Variants in ASTN2 observed in about 807,000 individuals in gnomAD.
The protein encoded by ASTN2 is astrotactin 2.
Under a neutral mutation model 139.8 loss-of-function variants are expected in ASTN2, and 54 were observed. The ratio of observed to expected loss-of-function variants is 0.39; its 90% CI spans 0.31 to 0.48. The LOEUF (loss-of-function observed/expected upper bound fraction) is 0.48. Among genes scored for constraint, ASTN2 ranks in the 20% least tolerant of loss-of-function variants. The probability of loss-of-function intolerance (pLI) is 0.95; values close to 1 mark genes in which losing one functional copy is unlikely to be tolerated. For synonymous variants in ASTN2, 756 were observed against 719.5 expected (o/e 1.05, Z -0.81); for missense variants, 1,565 against 1,725.1 (o/e 0.91, Z 1.64).
At chr9:116,680,611 T>C (rs553442233) in intron 16 of ASTN2, among the ~76,000 whole-genome samples, 1 of 152,282 alleles carries the variant, frequency 6.6e-6, no homozygotes, top group South Asian at 2.1e-4. Context: ...TAAACATTGA[T>C]GCAAAAATCC....
intron 16 of ASTN2, among the ~76,000 whole-genome samples, chr9:116,659,869 T>C (rs1248740607): frequency 1.3e-5 from 2 of 152,160 alleles, no homozygotes; most frequent in African/African-American, 4.8e-5. Context: ...CAAGTTCCAT[T>C]GTGGAAAGGC....
intron 11 of ASTN2, among the ~76,000 whole-genome samples, chr9:116,827,360 AC>A (rs1309027370): frequency 1.3e-5 from 2 of 150,284 alleles, no homozygotes; most frequent in African/African-American, 4.9e-5. Context: ...AACAAACCAC[AC>A]CCAAAGTAAG....
chr9:116,522,282 T>C (rs1850908943), intron 19 of ASTN2, among the ~76,000 whole-genome samples: 1 of 152,102 alleles, frequency 6.6e-6, no homozygotes, highest in Admixed American at 6.6e-5. Context: ...CATCAATCAA[T>C]AAGTGGATAA....
At chr9:116,609,867 T>C (rs1855441466) in intron 19 of ASTN2, among the ~76,000 whole-genome samples, 2 of 152,156 alleles carry the variant, frequency 1.3e-5, no homozygotes, top group Non-Finnish European at 2.9e-5. Context: ...TATGCTATAC[T>C]TGAAATAGTA....
intron 17 of ASTN2, among the ~76,000 whole-genome samples, chr9:116,635,828 A>G (rs1280912060): frequency 6.6e-6 from 1 of 152,226 alleles, no homozygotes; most frequent in Non-Finnish European, 1.5e-5. Flanking sequence ...CTTTGAATTG[A>G]GCTAATAGAT....
chr9:116,447,152 C>T (rs1848025075), intron 20 of ASTN2, among the ~76,000 whole-genome samples: 2 of 152,164 alleles, frequency 1.3e-5, no homozygotes, highest in African/African-American at 4.8e-5. Flanking sequence ...ACCAGTGGCA[C>T]TCTCTGGCTG....
intron 3 of ASTN2, among the ~76,000 whole-genome samples, chr9:117,177,326 G>A (rs1016850742): frequency 1.3e-5 from 2 of 152,152 alleles, no homozygotes; most frequent in South Asian, 4.2e-4. Flanking sequence ...GAAGCTGAGG[G>A]ACAAATCAGT....
chr9:116,823,507 C>T (rs1227323136), intron 11 of ASTN2, among the ~76,000 whole-genome samples: 6 of 152,148 alleles, frequency 3.9e-5, no homozygotes, highest in African/African-American at 1.4e-4. Context: ...CTGATCTAAC[C>T]TCCTTACTTT....
intron 20 of ASTN2, among the ~76,000 whole-genome samples, chr9:116,459,237 T>C (rs1848415392): frequency 6.6e-6 from 1 of 152,072 alleles, no homozygotes; most frequent in Non-Finnish European, 1.5e-5. Flanking sequence ...GGGACCCCTA[T>C]ATCACACCAT....
intron 10 of ASTN2, among the ~76,000 whole-genome samples, chr9:116,942,364 T>C (rs768292345): frequency 3.9e-5 from 6 of 152,210 alleles, no homozygotes; most frequent in Non-Finnish European, 7.3e-5. Context: ...CTCTCTTCTC[T>C]GATGCCTGGC....
intron 3 of ASTN2, among the ~76,000 whole-genome samples, chr9:117,159,792 C>T (rs116391163): frequency 1.9e-3 from 287 of 152,116 alleles, no homozygotes; most frequent in African/African-American, 6.5e-3. Flanking sequence ...ATTTAATCCT[C>T]GATTCTACTC....
In ASTN2 at chr9:116,698,049, T is replaced by C; in HGVS notation, c.2806+27722A>G. On this transcript the variant is annotated intron_variant, in intron 16 of 22. Transcript: ENST00000313400. The surrounding 1 kb of genome is among the most constrained non-coding windows in gnomAD (Gnocchi z 4.4). The stretch of plus-strand genomic sequence containing the variant: ...TGTGGGGCTGCTCATGTGTCGGTCC[T>C]GTGGGCGGCGTCTGCCCCGGCAATT... 2.5e-6 allele frequency: 4 copies of C among 1,613,960 alleles called. No homozygotes were observed. The highest frequency in any genetic ancestry group is 3.4e-6 in the Non-Finnish European group (4 of 1,180,022).
chr9:116,835,215 G>T (rs1647833267), intron 11 of ASTN2, among the ~76,000 whole-genome samples: 2 of 152,096 alleles, frequency 1.3e-5, no homozygotes, highest in Admixed American at 6.5e-5. Context: ...GGTCTGGGGA[G>T]TCATGCCCTA....
At chr9:116,643,945 C>CT (rs1857465406) in intron 17 of ASTN2, among the ~76,000 whole-genome samples, 1 of 152,144 alleles carries the variant, frequency 6.6e-6, no homozygotes, top group Non-Finnish European at 1.5e-5. Context: ...CTGTGTGCTC[C>CT]TTGAAGGCAC....
At chr9:117,351,339 C>T (rs1829380547) in intron 1 of ASTN2, among the ~76,000 whole-genome samples, 1 of 152,158 alleles carries the variant, frequency 6.6e-6, no homozygotes, top group Non-Finnish European at 1.5e-5. Flanking sequence ...TATTTCACTT[C>T]TTCCTTTCTT....
At chr9:116,546,302 C>T (rs558517807) in intron 19 of ASTN2, among the ~76,000 whole-genome samples, 1 of 152,154 alleles carries the variant, frequency 6.6e-6, no homozygotes, top group Non-Finnish European at 1.5e-5. Flanking sequence ...ACAGCATTTA[C>T]ACTGCCAGTA....
At chr9:117,288,966 A>T (rs544409641) in intron 2 of ASTN2, among the ~76,000 whole-genome samples, 10 of 152,346 alleles carry the variant, frequency 6.6e-5, no homozygotes, top group African/African-American at 2.2e-4. Flanking sequence ...AACTATTAGT[A>T]TAATCCTTGT....
chr9:116,924,226 T>C (rs1444539218), intron 10 of ASTN2, among the ~76,000 whole-genome samples: 3 of 150,472 alleles, frequency 2.0e-5, no homozygotes, highest in South Asian at 4.2e-4. Context: ...CTGGCCAACA[T>C]GGTGAAATCC....
At chr9:117,115,484 C>T (rs761725363) in intron 4 of ASTN2, among the ~76,000 whole-genome samples, 13 of 152,116 alleles carry the variant, frequency 8.5e-5, no homozygotes, top group Admixed American at 3.3e-4. Context: ...GATCATGCCA[C>T]TGTACTCCAG....
Sources: gnomAD v4.1 joint callset for allele counts (sites outside exome capture counted in the v4.1 genomes callset) on GRCh38, gnomAD v4.1.1 for gene constraint, Gnocchi (gnomAD v3.1) non-coding constraint, MANE v1.5 for transcripts, NCBI Gene and HGNC (gene_info 2026-07-23, HGNC 2026-07-21) for gene names.